SCRN3: variants seen among roughly 807,000 people sequenced by gnomAD.
SCRN3 encodes secernin 3.
Under a neutral mutation model 43.1 loss-of-function variants are expected in SCRN3, and 39 were observed. That is an observed-to-expected ratio of 0.91 (90% CI 0.70 to 1.18). The LOEUF (loss-of-function observed/expected upper bound fraction) is 1.18. SCRN3 is among the 50% of genes most tolerant of loss of function. The pLI, the probability that SCRN3 is intolerant of heterozygous loss-of-function variation, is 0.00. For missense variants in SCRN3, 484 were observed against 498.0 expected, an observed-to-expected ratio of 0.97 and a Z score of 0.27; for synonymous variants, 147 against 163.1, an observed-to-expected ratio of 0.90 and a Z score of 0.75.
At chr2:174,423,320 G>A (rs1686360497) in intron 6 of SCRN3, among the ~76,000 whole-genome samples, 1 of 152,134 alleles carries the variant, frequency 6.6e-6, no homozygotes, top group Non-Finnish European at 1.5e-5. Flanking sequence ...AAAGTAGATA[G>A]ATTTTCTTAC....
At chr2:174,401,315 G>T in intron 4 of SCRN3, 126 bp downstream of exon 4, 1 of 708,318 alleles carries the variant, frequency 1.4e-6, no homozygotes, top group Non-Finnish European at 2.2e-6. Context: ...GAACTGCAAG[G>T]GAAATTTAAA....
rs137877902 is a variant in SCRN3, at chr2:174,422,951, G to A, written c.821G>A (p.Gly274Glu). ...AAACCAAGTGGCATTAATATGGAGGGAGAATTCCTGACCACTGCAAGCATG... is the reference window on the plus strand; with the variant it reads ...AAACCAAGTGGCATTAATATGGAGGAAGAATTCCTGACCACTGCAAGCATG... Reference protein sequence around the residue: ...RDKPSGINMEGEFLTTASMVS... With the variant: ...RDKPSGINMEEEFLTTASMVS... Residue 274 changes from glycine (G) to glutamate (E), a missense_variant, in exon 6 of 8, where the codon GGA becomes GAA. Physicochemically the swap from Gly to Glu is moderately conservative, Grantham distance 98 (BLOSUM62 -2). Coordinates refer to ENST00000272732, the MANE Select transcript of SCRN3 (RefSeq NM_024583.5). The A allele has an allele frequency of 3.7e-6, 6 of 1,612,450 alleles. No individual in the cohort carries two copies. In the East Asian group the frequency reaches 1.1e-4, roughly 30 times the overall value.
rs765671888 is a variant in SCRN3, at chr2:174,395,810, G to A, written c.-17G>A. On this transcript the variant is annotated 5_prime_UTR_variant, in exon 1 of 8. Transcript: ENST00000272732. ...TCCACCTGTCACTTCGGGTAGCTGG[G>A]AGGCCAGGTGAGGGGCGCGCACGGG... The A allele has an allele frequency of 6.5e-7, 1 of 1,535,330 alleles. No homozygotes were observed. The highest frequency in any genetic ancestry group is 8.8e-7 in the Non-Finnish European group (1 of 1,138,768).
In SCRN3 at chr2:174,428,810, C is replaced by T. The variant is rs1283145209; in HGVS notation, c.*915C>T. On this transcript the variant is annotated 3_prime_UTR_variant, in exon 8 of 8. Coordinates refer to ENST00000272732, the MANE Select transcript of SCRN3 (RefSeq NM_024583.5). The stretch of plus-strand genomic sequence containing the variant: ...TAATAGCTTCCTAAAGTTTATAAAA[C>T]ATTGTTTAGGTTACATAAAGATTAC... 6.6e-6 allele frequency: 1 copy of T among 152,050 alleles called. No homozygotes were observed. Among genetic ancestry groups the T allele is most frequent in the Admixed American group, 6.6e-5 (1 of 15,248 alleles). 9.4% of individuals were successfully genotyped at this position (152,050 alleles called of 1,614,324 possible). A position where few individuals can be genotyped will look rare whatever the true frequency, so the allele number is the denominator to read the frequency against.
intron 5 of SCRN3, among the ~76,000 whole-genome samples, chr2:174,405,737 T>C (rs1444428901): frequency 6.6e-6 from 1 of 150,862 alleles, no homozygotes; most frequent in African/African-American, 2.4e-5. Flanking sequence ...TTGCTTGTTT[T>C]TCTCAGGTTT....
rs765981173 is a variant in SCRN3, at chr2:174,398,367, T to A, written c.84T>A (p.Asp28Glu). Residue 28 changes from aspartate to glutamate, a missense_variant, in exon 2 of 8, where the codon GAT (aspartate) becomes GAA (glutamate). By Grantham distance (45) the Asp-to-Glu change is conservative. Coordinates refer to ENST00000272732, the MANE Select transcript of SCRN3 (RefSeq NM_024583.5). ...DNRIIFGKNS[D>E]RLYDEVQEVV... ...GGATTATTTTTGGAAAAAATTCAGA[T>A]AGACTCTATGATGAAGTACAAGAGG... 4 of 1,609,028 alleles carry A rather than the reference T, an allele frequency of 2.5e-6. No individual in the cohort carries two copies. Among genetic ancestry groups the A allele is most frequent in the African/African-American group, 2.7e-5 (2 of 74,628 alleles).
At chr2:174,410,624 TTTC>T (rs1279858882) in intron 5 of SCRN3, 5 of 152,350 alleles carry the variant, frequency 3.3e-5, no homozygotes, top group Non-Finnish European at 5.9e-5. Flanking sequence ...TGAGATTACT[TTTC>T]TTCTGAGAAT....
At chr2:174,425,085 T>A (rs991622823) in intron 7 of SCRN3, among the ~76,000 whole-genome samples, 1 of 152,172 alleles carries the variant, frequency 6.6e-6, no homozygotes, top group Non-Finnish European at 1.5e-5. Context: ...CTTAACGTAA[T>A]GTTCTTGATG....
chr2:174,397,268 A>T (rs1685355552), intron 1 of SCRN3: 1 of 984,470 alleles, frequency 1.0e-6, no homozygotes, highest in Non-Finnish European at 1.2e-6. Context: ...GTGTAAAGCC[A>T]TTTTAAGGTT....
intron 7 of SCRN3, 71 bp downstream of exon 7, chr2:174,424,720 G>T: frequency 8.2e-7 from 1 of 1,224,656 alleles, no homozygotes; most frequent in Non-Finnish European, 1.2e-6. Flanking sequence ...TTGAACTTTG[G>T]AGTATCAGCT....
chr2:174,422,999 C>A lies in SCRN3; in HGVS notation c.869C>A (p.Ser290Tyr), dbSNP rs34170959. 6 of 1,613,680 alleles carry A rather than the reference C, an allele frequency of 3.7e-6. No individual in the cohort carries two copies. Among genetic ancestry groups the A allele is most frequent in the Non-Finnish European group, 5.1e-6 (6 of 1,179,712 alleles). ...ATGGTTTCTATTTTACCTCAAGACT[C>A]CAGCCTTCCTTGCATTCACTTCTTT... Reference protein sequence around the residue: ...ASMVSILPQDSSLPCIHFFTG... With the variant: ...ASMVSILPQDYSLPCIHFFTG... The change falls in exon 6 of 8, where the codon TCC becomes TAC. Residue 290 changes from serine (S) to tyrosine (Y), a missense_variant. Coordinates refer to ENST00000272732, the MANE Select transcript of SCRN3 (RefSeq NM_024583.5).
In SCRN3 at chr2:174,427,764, T is replaced by G; in HGVS notation, c.1144T>G (p.Phe382Val). ...CATGAGGAAACTGGAGAAAGAACTA[T>G]TCAGAGAGATGGAATCAATCCTTCA... ...DNMRKLEKEL[F>V]REMESILQNK... Residue 382 changes from phenylalanine to valine, a missense_variant, in exon 8 of 8, where the codon TTC (phenylalanine) becomes GTC (valine). By Grantham distance (50) the Phe-to-Val change is conservative. Coordinates refer to ENST00000272732, the MANE Select transcript of SCRN3 (RefSeq NM_024583.5). The G allele has an allele frequency of 6.2e-7, 1 of 1,612,496 alleles. No homozygotes were observed. The highest frequency in any genetic ancestry group is 1.1e-5 in the South Asian group (1 of 90,926).
chr2:174,410,735 A>C (rs921771663), intron 5 of SCRN3, among the ~76,000 whole-genome samples: 2 of 152,180 alleles, frequency 1.3e-5, no homozygotes, highest in African/African-American at 4.8e-5. Context: ...TGTATATAGA[A>C]CTTCTGGCCA....
chr2:174,410,285 C>T (rs1185843257), intron 5 of SCRN3: 2 of 150,792 alleles, frequency 1.3e-5, no homozygotes, highest in Non-Finnish European at 3.0e-5. Context: ...CTTGCGCTTC[C>T]CAGGTGAGGC....
intron 7 of SCRN3, 50 bp downstream of exon 7, chr2:174,424,699 C>A: frequency 1.4e-6 from 2 of 1,455,804 alleles, no homozygotes; most frequent in South Asian, 2.6e-5. Context: ...AAGTTAGATT[C>A]AATCCGTATT....
chr2:174,424,538 A>G lies in SCRN3; in HGVS notation c.981A>G (p.Pro327=), dbSNP rs755117749. The part of the protein sequence containing the change: ...HISQLLDTSS[P]TFELEDLVKK... ...CACAACTATTGGATACCAGTTCACC[A>G]ACATTTGAACTTGAAGATCTAGTTA... The change falls in exon 7 of 8, where the codon CCA becomes CCG. Residue 327 remains proline (P), a synonymous_variant. Transcript: ENST00000272732. 1 of 1,612,690 alleles carries G rather than the reference A, an allele frequency of 6.2e-7. No individual in the cohort carries two copies. The highest frequency in any genetic ancestry group is 8.5e-7 in the Non-Finnish European group (1 of 1,178,958).
intron 5 of SCRN3, among the ~76,000 whole-genome samples, chr2:174,412,377 C>G (rs1436735065): frequency 6.7e-6 from 1 of 148,564 alleles, no homozygotes; most frequent in East Asian, 2.0e-4. Context: ...TGCTTTCTTT[C>G]TGTCTTGTCC....
Position 174,404,311 on chromosome 2 carries a change from C to G in SCRN3, c.750C>G (p.His250Gln). ...AGGGCTACAAGCTTCTAAATAAGCA[C>G]AAAGGTAATTTTATCATATAAATAA... ...YCEGYKLLNK[H>Q]KGNITFETMM... Residue 250 changes from histidine to glutamine, a missense_variant, in exon 5 of 8, where the codon CAC becomes CAG. Physicochemically the swap from His to Gln is conservative, Grantham distance 24. Transcript: ENST00000272732. 2 of 1,606,946 alleles carry G rather than the reference C, an allele frequency of 1.2e-6. No individual in the cohort carries two copies. Among genetic ancestry groups the G allele is most frequent in the Non-Finnish European group, 1.7e-6 (2 of 1,174,448 alleles).
intron 1 of SCRN3, chr2:174,396,396 G>A: frequency 1.1e-6 from 1 of 880,178 alleles, no homozygotes; most frequent in Non-Finnish European, 1.4e-6. Flanking sequence ...GGCAGCTCAG[G>A]TTACTATTGC....
Sources: allele counts gnomAD v4.1 joint callset (sites outside exome capture counted in the v4.1 genomes callset), GRCh38; gene constraint gnomAD v4.1.1; transcripts MANE v1.5; gene names NCBI Gene and HGNC (gene_info 2026-07-23, HGNC 2026-07-21).